Variants in SLC16A10 observed in about 807,000 individuals in gnomAD.
SLC16A10 encodes monocarboxylate transporter 10.
SLC16A10 carries 27 observed loss-of-function variants against 40.0 expected under a neutral mutation model. That is an observed-to-expected ratio of 0.67 (90% CI 0.50 to 0.93). The LOEUF (loss-of-function observed/expected upper bound fraction) is 0.93, where lower values mean the gene tolerates loss of function less well. SLC16A10 is among the 40% of genes least tolerant of loss of function. SLC16A10 has a pLI of 0.00. For missense variants in SLC16A10, 529 were observed against 658.2 expected, an observed-to-expected ratio of 0.80 and a Z score of 2.15; for synonymous variants, 213 against 249.8, an observed-to-expected ratio of 0.85 and a Z score of 1.39.
intron 1 of SLC16A10, among the ~76,000 whole-genome samples, chr6:111,162,470 T>C: frequency 6.6e-6 from 1 of 152,214 alleles, no homozygotes; most frequent in East Asian, 1.9e-4. Flanking sequence ...AGACAAAGTA[T>C]GAGGCCAGTT....
At chr6:111,211,180 G>A (rs1017168482) in intron 4 of SLC16A10, among the ~76,000 whole-genome samples, 1 of 152,132 alleles carries the variant, frequency 6.6e-6, no homozygotes, top group African/African-American at 2.4e-5. Context: ...TCAATTCAGG[G>A]TCCAGGTGAG....
chr6:111,116,450 T>G (rs1004595026), intron 1 of SLC16A10, among the ~76,000 whole-genome samples: 2 of 152,064 alleles, frequency 1.3e-5, no homozygotes, highest in African/African-American at 2.4e-5. Flanking sequence ...ACTCCTGACC[T>G]CAGGTGATCC....
chr6:111,182,218 C>G (rs1772805826), intron 3 of SLC16A10, among the ~76,000 whole-genome samples: 1 of 151,718 alleles, frequency 6.6e-6, no homozygotes, highest in African/African-American at 2.4e-5. Flanking sequence ...CCAGGCTGGT[C>G]CCGAACTCCT....
chr6:111,207,021 G>C (rs1003619492), intron 4 of SLC16A10, among the ~76,000 whole-genome samples: 1 of 151,992 alleles, frequency 6.6e-6, no homozygotes, highest in Non-Finnish European at 1.5e-5. Flanking sequence ...AGTAGAGATG[G>C]GGTTTCTCCA....
rs148990584 is a variant in SLC16A10 at position 111,156,841 on chromosome 6, A to G, written c.344-15854A>G. On this transcript the variant is annotated intron_variant, in intron 1 of 5. Coordinates refer to ENST00000368851, the MANE Select transcript of SLC16A10 (RefSeq NM_018593.5). Reference sequence around the variant, plus strand: ...AGATGTTAATAATAGAGGAAACTGGATGTGAGGTATATGGGCACTCCCTGT... The same window carrying G: ...AGATGTTAATAATAGAGGAAACTGGGTGTGAGGTATATGGGCACTCCCTGT... Among the ~76,000 whole-genome samples, 22 of 152,378 alleles carry G rather than the reference A, an allele frequency of 1.4e-4. No individual in the cohort carries two copies. In the East Asian group the frequency reaches 4.0e-3, roughly 28 times the overall value.
intron 3 of SLC16A10, among the ~76,000 whole-genome samples, chr6:111,180,850 C>A (rs1243599193): frequency 6.6e-6 from 1 of 152,106 alleles, no homozygotes; most frequent in East Asian, 1.9e-4. Context: ...CTTGAGGTCA[C>A]AGAGATAGTG....
At chr6:111,122,718 A>T (rs560563365) in intron 1 of SLC16A10, among the ~76,000 whole-genome samples, 4 of 152,142 alleles carry the variant, frequency 2.6e-5, no homozygotes, top group Admixed American at 6.5e-5. Context: ...GTCAAACCGC[A>T]TTATTGAGGG....
At chr6:111,194,314 C>G (rs1057493728) in intron 3 of SLC16A10, among the ~76,000 whole-genome samples, 1 of 152,100 alleles carries the variant, frequency 6.6e-6, no homozygotes, top group Non-Finnish European at 1.5e-5. Flanking sequence ...AAGAGACTTT[C>G]TCAGGTCACA....
intron 1 of SLC16A10, among the ~76,000 whole-genome samples, chr6:111,122,226 G>A (rs918511933): frequency 6.6e-6 from 1 of 152,212 alleles, no homozygotes; most frequent in Non-Finnish European, 1.5e-5. Flanking sequence ...GCAGCTGCTG[G>A]CATGATGATT....
At chr6:111,215,571 G>T (rs1773406957) in intron 4 of SLC16A10, among the ~76,000 whole-genome samples, 1 of 152,126 alleles carries the variant, frequency 6.6e-6, no homozygotes. Context: ...TAAATCCATT[G>T]AATCTGGCCC....
intron 2 of SLC16A10, among the ~76,000 whole-genome samples, chr6:111,174,718 T>C (rs959382754): frequency 5.3e-5 from 8 of 152,188 alleles, no homozygotes; most frequent in Admixed American, 1.3e-4. Context: ...TCAGTACTTG[T>C]GGCTCTACCA....
intron 1 of SLC16A10, among the ~76,000 whole-genome samples, chr6:111,102,658 T>C (rs1157793331): frequency 6.6e-6 from 1 of 152,100 alleles, no homozygotes. Flanking sequence ...CAGGTGTTGA[T>C]CAAGGTCTGT....
intron 1 of SLC16A10, among the ~76,000 whole-genome samples, chr6:111,133,146 C>T (rs1360728478): frequency 6.6e-6 from 1 of 152,178 alleles, no homozygotes; most frequent in Non-Finnish European, 1.5e-5. Flanking sequence ...TGGTAAAGGA[C>T]CACTAGAATC....
At chr6:111,206,225 C>T (rs1224471748) in intron 3 of SLC16A10, among the ~76,000 whole-genome samples, 3 of 151,694 alleles carry the variant, frequency 2.0e-5, no homozygotes, top group Admixed American at 6.6e-5. Flanking sequence ...TACAGGCATG[C>T]GTCACCACGC....
intron 1 of SLC16A10, among the ~76,000 whole-genome samples, chr6:111,089,486 C>T (rs1770933977): frequency 6.6e-6 from 1 of 152,174 alleles, no homozygotes; most frequent in African/African-American, 2.4e-5. Context: ...TTCTTGTACA[C>T]TCTCGTTATG....
At chr6:111,130,683 C>T (rs1432472370) in intron 1 of SLC16A10, among the ~76,000 whole-genome samples, 1 of 152,202 alleles carries the variant, frequency 6.6e-6, no homozygotes, top group Non-Finnish European at 1.5e-5. Flanking sequence ...ACCACCTGGG[C>T]CTTGGACCTG....
intron 1 of SLC16A10, among the ~76,000 whole-genome samples, chr6:111,113,175 A>G (rs1405342771): frequency 6.6e-6 from 1 of 152,224 alleles, no homozygotes; most frequent in African/African-American, 2.4e-5. Context: ...ATGAGTAAAT[A>G]TGGGCATTTC....
chr6:111,174,120 A>G lies in SLC16A10; in HGVS notation c.488+1281A>G, dbSNP rs535630857. The stretch of plus-strand genomic sequence containing the variant: ...TCCTCAGTTAGACAAACACTGATTT[A>G]ATATGTAGCTCTGGCTAACAGGAGG... On this transcript the variant is annotated intron_variant, in intron 2 of 5. Coordinates refer to ENST00000368851, the MANE Select transcript of SLC16A10 (RefSeq NM_018593.5). Among the ~76,000 whole-genome samples, 6 of 152,256 alleles carry G rather than the reference A, an allele frequency of 3.9e-5. No homozygotes were observed. In the South Asian group the frequency reaches 1.2e-3, roughly 32 times the overall value.
At chr6:111,177,848 G>A (rs917496100) in intron 3 of SLC16A10, 183 bp downstream of exon 3, 3 of 552,982 alleles carry the variant, frequency 5.4e-6, no homozygotes. Context: ...TAAACAGAGA[G>A]AGTATGTTTC....
Sources: gnomAD v4.1 joint callset for allele counts (sites outside exome capture counted in the v4.1 genomes callset) on GRCh38, gnomAD v4.1.1 for gene constraint, MANE v1.5 for transcripts, NCBI Gene and HGNC (gene_info 2026-07-23, HGNC 2026-07-21) for gene names.